The following CEP170 variants were observed in gnomAD, a reference collection of about 807,000 sequenced individuals.
CEP170 encodes the protein centrosomal protein 170, also known as centrosomal protein of 170 kDa.
CEP170 carries 21 observed loss-of-function variants against 151.9 expected under a neutral mutation model. The ratio of observed to expected loss-of-function variants is 0.14; its 90% CI spans 0.10 to 0.20. The LOEUF (loss-of-function observed/expected upper bound fraction) is 0.20. Ranked by LOEUF, CEP170 falls within the 10% of genes least tolerant of loss-of-function variation. The pLI, the probability that CEP170 is intolerant of heterozygous loss-of-function variation, is 1.00. For missense variants in CEP170, 964 were observed against 1,892.9 expected (o/e 0.51, Z 9.11); for synonymous variants, 356 against 648.8 (o/e 0.55, Z 6.86).
chr1:243,255,384 C>G (rs576578242), upstream of CEP170: 14 of 153,344 alleles, frequency 9.1e-5, no homozygotes, highest in African/African-American at 2.6e-4. Context: ...AGGGTCTCAC[C>G]CACACGCTTT....
chr1:243,252,172 T>G (rs2065995065), intron 1 of CEP170, among the ~76,000 whole-genome samples: 1 of 152,190 alleles, frequency 6.6e-6, no homozygotes, highest in Non-Finnish European at 1.5e-5. Context: ...CAAGCATTCT[T>G]CAAATGGCAC....
At chr1:243,218,331 G>T (rs1456065319) in intron 3 of CEP170, among the ~76,000 whole-genome samples, 1 of 152,232 alleles carries the variant, frequency 6.6e-6, no homozygotes, top group Non-Finnish European at 1.5e-5. Flanking sequence ...GGCACAGGAG[G>T]GGTAGGGCAG....
intron 1 of CEP170, among the ~76,000 whole-genome samples, chr1:243,242,454 A>G (rs1385006139): frequency 6.6e-6 from 1 of 151,630 alleles, no homozygotes; most frequent in Admixed American, 6.6e-5. Flanking sequence ...TCCTGACCAC[A>G]TGATCTACCT....
At position 243,140,127 on chromosome 1, in the gene CEP170, C is replaced by A. The variant is rs374763263; in HGVS notation, c.4060-20G>T. On this transcript the variant is annotated intron_variant, in intron 15 of 19. Transcript: ENST00000366542. ...AACCAACTAATGGGACGAAAGCAAA[C>A]CTTTATGAGAACACAGTAATTTGAA... The A allele has an allele frequency of 1.9e-6, 3 of 1,606,248 alleles. No individual in the cohort carries two copies. The highest frequency in any genetic ancestry group is 2.6e-6 in the Non-Finnish European group (3 of 1,175,552).
At chr1:243,170,473 A>T (rs374208081) in intron 11 of CEP170, among the ~76,000 whole-genome samples, 5 of 152,234 alleles carry the variant, frequency 3.3e-5, no homozygotes, top group Non-Finnish European at 7.3e-5. Flanking sequence ...ATAAATCACT[A>T]TAAGATTTCA....
rs2148924120 is a variant in CEP170 at position 243,213,561 on chromosome 1, C to T, written c.196-1597G>A. Among the ~76,000 whole-genome samples the T allele has an allele frequency of 2.0e-5, 3 of 151,992 alleles. 1 individual carries two copies. The South Asian group carries it at 6.2e-4, about 32-fold the overall frequency. On this transcript the variant is annotated intron_variant, in intron 3 of 19. Coordinates refer to ENST00000366542, the MANE Select transcript of CEP170 (RefSeq NM_014812.3). ...CAGACTCTGTGTCTTCAAATGAAGA[C>T]AGTCATAGACACATTTTCTCTAATG...
At position 243,231,153 on chromosome 1, in the gene CEP170, GCATCATCATCAT is replaced by G. The variant is rs74162260; in HGVS notation, c.-41-5844_-41-5833del. On this transcript the variant is annotated intron_variant, in intron 1 of 19. Coordinates refer to ENST00000366542, the MANE Select transcript of CEP170 (RefSeq NM_014812.3). ...TATACCCAGCAAAACTATCTTTCAA[GCATCATCATCAT>G]CATCATCATCATCATCATCATCATC... Among the ~76,000 whole-genome samples the G allele has an allele frequency of 6.3e-4, 90 of 142,188 alleles. No homozygotes were observed. The South Asian group carries it at 0.016, about 25-fold the overall frequency. The allele number at this position is 142,188 out of a possible 152,430, so 93.3% of individuals were successfully genotyped here. A position where few individuals can be genotyped will look rare whatever the true frequency, so the allele number is the denominator to read the frequency against.
rs1487437923 is a variant in CEP170 at position 243,142,571 on chromosome 1, T to G, written c.3912-108A>C. 6.2e-5 allele frequency: 59 copies of G among 951,082 alleles called. No homozygotes were observed. In the East Asian group the frequency reaches 1.3e-3, roughly 21 times the overall value. The allele number at this position is 951,082 out of a possible 1,614,324, so 58.9% of individuals were successfully genotyped here. A position where few individuals can be genotyped will look rare whatever the true frequency, so the allele number is the denominator to read the frequency against. ...GTAAGTTGTATATCTAATTAAATAT[T>G]TGTACCCCAAATTAACTATTAACTA... is the stretch of plus-strand genomic sequence containing the variant. On this transcript the variant is annotated intron_variant, in intron 14 of 19. Transcript: ENST00000366542.
intron 3 of CEP170, among the ~76,000 whole-genome samples, chr1:243,220,702 G>T (rs1328452012): frequency 1.3e-5 from 2 of 152,132 alleles, no homozygotes; most frequent in Non-Finnish European, 2.9e-5. Context: ...AGCACAGATA[G>T]GAACAACACA....
chr1:243,218,970 G>A (rs546550089), intron 3 of CEP170, among the ~76,000 whole-genome samples: 30 of 152,112 alleles, frequency 2.0e-4, no homozygotes, highest in Non-Finnish European at 3.5e-4. Context: ...GATACTTAAA[G>A]TTCTAGAATA....
At chr1:243,229,038 T>TTTC (rs1479196898) in intron 1 of CEP170, among the ~76,000 whole-genome samples, 3 of 152,204 alleles carry the variant, frequency 2.0e-5, no homozygotes, top group Non-Finnish European at 4.4e-5. Context: ...TATATGAGAC[T>TTTC]TTCTCCCTGT....
At chr1:243,140,864 T>C (rs1341270469) in intron 15 of CEP170, among the ~76,000 whole-genome samples, 1 of 152,216 alleles carries the variant, frequency 6.6e-6, no homozygotes, top group Non-Finnish European at 1.5e-5. Flanking sequence ...TAAAATTTAG[T>C]TAGAAAGCTG....
At chr1:243,246,225 A>ATTTTT (rs2065379340) in intron 1 of CEP170, among the ~76,000 whole-genome samples, 1 of 127,600 alleles carries the variant, frequency 7.8e-6, no homozygotes, top group African/African-American at 3.5e-5. Flanking sequence ...AGTGTTGTTT[A>ATTTTT]CTTTTTTTTT....
At chr1:243,177,704 G>C (rs2059344846) in intron 10 of CEP170, among the ~76,000 whole-genome samples, 1 of 152,110 alleles carries the variant, frequency 6.6e-6, no homozygotes, top group Non-Finnish European at 1.5e-5. Context: ...TTTTGTAATT[G>C]TCTATGAAAA....
intron 1 of CEP170, among the ~76,000 whole-genome samples, chr1:243,235,018 C>T (rs1449940567): frequency 6.6e-6 from 1 of 152,118 alleles, no homozygotes; most frequent in Non-Finnish European, 1.5e-5. Flanking sequence ...TACTGTTACA[C>T]ATGAGGACCC....
At chr1:243,221,553 A>T in intron 3 of CEP170, 171 bp downstream of exon 3, 2 of 583,660 alleles carry the variant, frequency 3.4e-6, no homozygotes, top group Non-Finnish European at 3.0e-6. Context: ...AATATGGGCT[A>T]GTTTCATATT....
rs182643457 is a variant in CEP170, at chr1:243,147,386, C to T, written c.3912-4923G>A. Among the ~76,000 whole-genome samples, 15 of 152,314 alleles carry T rather than the reference C, an allele frequency of 9.8e-5. No homozygotes were observed. The East Asian group carries it at 2.5e-3, about 25-fold the overall frequency. ...TATTAGACAGCACATAATTTTAATA[C>T]AGCCTTTGGCTTGTTGTGAAGCCAC... is the stretch of plus-strand genomic sequence containing the variant. On this transcript the variant is annotated intron_variant, in intron 14 of 19. Transcript: ENST00000366542.
At chr1:243,199,309 T>C in intron 6 of CEP170, 115 bp from the exon 7 acceptor site, 1 of 1,078,020 alleles carries the variant, frequency 9.3e-7, no homozygotes, top group African/African-American at 1.6e-5. Flanking sequence ...AAGTATAGTC[T>C]TGATAGCTAA....
intron 1 of CEP170, among the ~76,000 whole-genome samples, chr1:243,229,659 A>G (rs1487601362): frequency 6.6e-6 from 1 of 152,152 alleles, no homozygotes; most frequent in Non-Finnish European, 1.5e-5. Flanking sequence ...CAGGGTACAC[A>G]AAAAGGAACT....
Sources: allele counts gnomAD v4.1 joint callset (sites outside exome capture counted in the v4.1 genomes callset), GRCh38; gene constraint gnomAD v4.1.1; transcripts MANE v1.5; gene names NCBI Gene and HGNC (gene_info 2026-07-23, HGNC 2026-07-21).